The following COL8A1 variants were observed in gnomAD, a reference collection of about 807,000 sequenced individuals.
COL8A1 encodes the protein collagen alpha-1(VIII) chain.
In COL8A1, 21 loss-of-function variants were observed where a neutral mutation model predicts 42.7. The ratio of observed to expected loss-of-function variants is 0.49; its 90% CI spans 0.35 to 0.71. COL8A1 has a LOEUF of 0.71. Ranked by LOEUF, COL8A1 falls within the 30% of genes least tolerant of loss-of-function variation. The pLI is 0.01. For missense variants in COL8A1, 788 were observed against 962.4 expected (o/e 0.82, Z 2.40); for synonymous variants, 367 against 369.1 (o/e 0.99, Z 0.06).
chr3:99,794,557 C>G lies in COL8A1; in HGVS notation c.656C>G (p.Pro219Arg), dbSNP rs1393762440. The change falls in exon 4 of 4, where the codon CCA becomes CGA. Residue 219 changes from proline to arginine, a missense_variant. Pro to Arg is a moderately radical substitution (Grantham distance 103, BLOSUM62 -2). This residue lies in a region of COL8A1 where 421 missense variants were observed against 553.1 expected (regional missense o/e 0.76). Coordinates refer to ENST00000652472, the MANE Select transcript of COL8A1 (RefSeq NM_020351.4). This position sits in a 1 kb window ranked among gnomAD's most constrained non-coding sequence, Gnocchi z 4.3. ...KPGGPGLPGQPGPKGDRGPKG... is the reference protein window; with the variant it reads ...KPGGPGLPGQRGPKGDRGPKG... ...GGTGGGCCAGGGTTACCAGGGCAAC[C>G]AGGACCAAAGGGTGATCGAGGACCC... 1.2e-6 allele frequency: 2 copies of G among 1,613,946 alleles called. No individual in the cohort carries two copies. The highest frequency in any genetic ancestry group is 2.2e-5 in the South Asian group (2 of 91,078).
intron 1 of COL8A1, among the ~76,000 whole-genome samples, chr3:99,702,960 T>C (rs958231546): frequency 6.6e-6 from 1 of 151,598 alleles, no homozygotes; most frequent in Non-Finnish European, 1.5e-5. Context: ...GAAAAGCCCA[T>C]GCAAATATTT....
At chr3:99,675,073 C>T (rs1938653532) in intron 1 of COL8A1, among the ~76,000 whole-genome samples, 1 of 151,992 alleles carries the variant, frequency 6.6e-6, no homozygotes, top group African/African-American at 2.4e-5. Flanking sequence ...GATAAGCCCT[C>T]TGGTTTGGTT....
intron 1 of COL8A1, among the ~76,000 whole-genome samples, chr3:99,676,019 T>C (rs759218031): frequency 5.3e-5 from 8 of 152,096 alleles, no homozygotes; most frequent in Non-Finnish European, 1.2e-4. Flanking sequence ...ATAATATTAA[T>C]AGCATTGTAA....
chr3:99,757,716 GA>G (rs1385209791), intron 2 of COL8A1, among the ~76,000 whole-genome samples: 1 of 152,086 alleles, frequency 6.6e-6, no homozygotes, highest in Non-Finnish European at 1.5e-5. Flanking sequence ...AACTAGTAAA[GA>G]AATAAAAATG....
At chr3:99,717,913 C>T (rs1331140581) in intron 1 of COL8A1, among the ~76,000 whole-genome samples, 1 of 151,982 alleles carries the variant, frequency 6.6e-6, no homozygotes, top group Non-Finnish European at 1.5e-5. Flanking sequence ...TTACCCTTTA[C>T]ATGGACACAT....
chr3:99,667,817 A>T (rs1016674333), intron 1 of COL8A1, among the ~76,000 whole-genome samples: 1 of 152,082 alleles, frequency 6.6e-6, no homozygotes, highest in African/African-American at 2.4e-5. Flanking sequence ...AAACAAGTGC[A>T]CTTCCTCATT....
intron 1 of COL8A1, among the ~76,000 whole-genome samples, chr3:99,733,375 A>C (rs1940586646): frequency 7.7e-6 from 1 of 130,114 alleles, no homozygotes; most frequent in Non-Finnish European, 1.6e-5. Flanking sequence ...TTCAATTCCC[A>C]CCTCTCAGTG....
intron 2 of COL8A1, among the ~76,000 whole-genome samples, chr3:99,780,827 C>T (rs954671166): frequency 2.0e-5 from 3 of 152,122 alleles, no homozygotes; most frequent in Non-Finnish European, 2.9e-5. Context: ...TATGATTTTT[C>T]CTCCCAGACA....
chr3:99,768,564 T>C (rs986660008), intron 2 of COL8A1, among the ~76,000 whole-genome samples: 1 of 152,236 alleles, frequency 6.6e-6, no homozygotes, highest in Non-Finnish European at 1.5e-5. Context: ...GGGTCTCCTT[T>C]AGATCTCATA....
Position 99,718,999 on chromosome 3 carries a change from A to G in COL8A1, c.-128-25898A>G, listed in dbSNP as rs181804743. Among the ~76,000 whole-genome samples, 113 of 152,082 alleles carry G rather than the reference A, an allele frequency of 7.4e-4. 1 individual carries two copies. The highest frequency in any genetic ancestry group is 1.0e-3 in the Non-Finnish European group (71 of 67,956). ...AAGAGTCCAGGTTCAAATGTTAAAC[A>G]CTCTGGGTTTGCATTCTGATTCTAT... On this transcript the variant is annotated intron_variant, in intron 1 of 3. Transcript: ENST00000652472.
chr3:99,742,594 G>A (rs1576459389), intron 1 of COL8A1, among the ~76,000 whole-genome samples: 1 of 152,192 alleles, frequency 6.6e-6, no homozygotes, highest in Admixed American at 6.5e-5. Flanking sequence ...GGATCATAGA[G>A]AGAAAAGAAC....
chr3:99,694,237 CT>C (rs1939304803), intron 1 of COL8A1, among the ~76,000 whole-genome samples: 1 of 152,108 alleles, frequency 6.6e-6, no homozygotes, highest in Non-Finnish European at 1.5e-5. Context: ...AATCCCAGCA[CT>C]TTGGGAGACT....
At chr3:99,759,634 A>G (rs970435159) in intron 2 of COL8A1, among the ~76,000 whole-genome samples, 2 of 152,230 alleles carry the variant, frequency 1.3e-5, no homozygotes, top group African/African-American at 4.8e-5. Context: ...CAGATTAACC[A>G]ATGTTTTTTT....
At chr3:99,646,497 C>T (rs1937643507) in intron 1 of COL8A1, among the ~76,000 whole-genome samples, 1 of 152,078 alleles carries the variant, frequency 6.6e-6, no homozygotes, top group African/African-American at 2.4e-5. Context: ...ACCTTCTTTA[C>T]CACTTAGAGA....
chr3:99,736,032 T>A (rs1177452468), intron 1 of COL8A1, among the ~76,000 whole-genome samples: 1 of 87,540 alleles, frequency 1.1e-5, no homozygotes, highest in East Asian at 4.3e-4. Flanking sequence ...TCTATTTGAT[T>A]CTTCTCTCTT....
intron 2 of COL8A1, among the ~76,000 whole-genome samples, chr3:99,777,198 CT>C (rs1405108152): frequency 2.0e-5 from 3 of 152,098 alleles, no homozygotes; most frequent in Non-Finnish European, 2.9e-5. Flanking sequence ...GTTTGAATGC[CT>C]TTGAGAAAAA....
chr3:99,716,984 G>A (rs1406827070), intron 1 of COL8A1, among the ~76,000 whole-genome samples: 1 of 151,902 alleles, frequency 6.6e-6, no homozygotes, highest in Non-Finnish European at 1.5e-5. Context: ...ATGGAATCAA[G>A]GCCTGTGTTA....
At chr3:99,785,347 TGA>T (rs1941873639) in intron 2 of COL8A1, among the ~76,000 whole-genome samples, 2 of 152,188 alleles carry the variant, frequency 1.3e-5, no homozygotes, top group Non-Finnish European at 2.9e-5. Flanking sequence ...CAGTAAATAT[TGA>T]GAAGTCAAAT....
chr3:99,639,615 C>T (rs1473744364), intron 1 of COL8A1, among the ~76,000 whole-genome samples: 2 of 152,194 alleles, frequency 1.3e-5, no homozygotes, highest in Non-Finnish European at 2.9e-5. Context: ...AGAAAATGAT[C>T]TCTTCTTATT....
Sources: gnomAD v4.1 joint callset for allele counts (sites outside exome capture counted in the v4.1 genomes callset) on GRCh38, gnomAD v4.1.1 for gene constraint, gnomAD v4.1.1 regional missense constraint, Gnocchi (gnomAD v3.1) non-coding constraint, MANE v1.5 for transcripts, NCBI Gene and HGNC (gene_info 2026-07-23, HGNC 2026-07-21) for gene names.